The following FOXP4 variants were observed in gnomAD, a reference collection of about 807,000 sequenced individuals.
FOXP4 encodes forkhead box protein P4.
FOXP4 carries 25 observed loss-of-function variants against 82.6 expected under a neutral mutation model. The observed-to-expected ratio is 0.30, with a 90% CI of 0.22 to 0.42. FOXP4 has a LOEUF of 0.42. Ranked by LOEUF, FOXP4 falls within the 10% of genes least tolerant of loss-of-function variation. FOXP4 has a pLI of 1.00. For synonymous variants in FOXP4, 415 were observed against 388.2 expected (o/e 1.07, Z -0.81); for missense variants, 785 against 900.9 (o/e 0.87, Z 1.65).
At chr6:41,583,287 G>T (rs1726960857) in intron 3 of FOXP4, among the ~76,000 whole-genome samples, 1 of 152,198 alleles carries the variant, frequency 6.6e-6, no homozygotes, top group South Asian at 2.1e-4. Context: ...CTCCCTGGTT[G>T]CTTCTCTGCC....
chr6:41,549,446 G>A (rs75306249), intron 1 of FOXP4, among the ~76,000 whole-genome samples: 2,858 of 152,120 alleles, frequency 0.019, 43 homozygotes, highest in Non-Finnish European at 0.028. Flanking sequence ...CTTTAGAGCC[G>A]AAAACTTCCG....
At chr6:41,597,102 T>A (rs754065254) in intron 14 of FOXP4, 74 bp from the exon 15 acceptor site, 9 of 1,492,990 alleles carry the variant, frequency 6.0e-6, no homozygotes, top group Non-Finnish European at 8.4e-6. Context: ...GGCCGTTACT[T>A]AGTGAGAGTA....
At chr6:41,569,090 T>C (rs766299651) in intron 2 of FOXP4, among the ~76,000 whole-genome samples, 1 of 152,106 alleles carries the variant, frequency 6.6e-6, no homozygotes, top group Non-Finnish European at 1.5e-5. Context: ...TGGTCATTGG[T>C]GAGTGACAGA....
At chr6:41,587,929 G>A in intron 8 of FOXP4, 32 bp downstream of exon 8, 1 of 1,251,558 alleles carries the variant, frequency 8.0e-7, no homozygotes, top group Non-Finnish European at 1.1e-6. Context: ...TCCCCCAGCA[G>A]CCTTTCCCCA....
At chr6:41,584,072 C>T (rs968116030) in intron 3 of FOXP4, among the ~76,000 whole-genome samples, 2 of 152,230 alleles carry the variant, frequency 1.3e-5, no homozygotes, top group Non-Finnish European at 2.9e-5. Flanking sequence ...CCTGCTAACT[C>T]CCTGCCTGCC....
intron 2 of FOXP4, among the ~76,000 whole-genome samples, chr6:41,566,890 C>T (rs1025854489): frequency 1.3e-5 from 2 of 152,196 alleles, no homozygotes; most frequent in African/African-American, 2.4e-5. Context: ...CTGCCTCATG[C>T]GTGCACACGT....
chr6:41,565,738 C>T lies in FOXP4; in HGVS notation c.-16-7C>T, dbSNP rs1053944225. 1 of 1,571,956 alleles carries T rather than the reference C, an allele frequency of 6.4e-7. No homozygotes were observed. Among genetic ancestry groups the T allele is most frequent in the Admixed American group, 1.7e-5 (1 of 58,122 alleles). On this transcript the variant is annotated splice_polypyrimidine_tract_variant and splice_region_variant and intron_variant, in intron 1 of 16. Transcript: ENST00000307972. ...GCCTCTCCCCTGTGTCTCTCTTCCT[C>T]CTCCAGGTACCGCTAGAGCGACATG...
At chr6:41,579,242 C>T (rs192766183) in intron 3 of FOXP4, among the ~76,000 whole-genome samples, 16 of 152,152 alleles carry the variant, frequency 1.1e-4, no homozygotes, top group African/African-American at 3.1e-4. Flanking sequence ...AAGATCAGGG[C>T]GTGGCCTGGG....
At chr6:41,566,692 T>G (rs573274844) in intron 2 of FOXP4, among the ~76,000 whole-genome samples, 19 of 152,298 alleles carry the variant, frequency 1.2e-4, no homozygotes, top group Middle Eastern at 3.4e-3. Context: ...GGGAGAGTCA[T>G]GCTCAACAAG....
intron 2 of FOXP4, among the ~76,000 whole-genome samples, chr6:41,575,222 C>T (rs1765410609): frequency 6.6e-6 from 1 of 152,186 alleles, no homozygotes; most frequent in South Asian, 2.1e-4. Flanking sequence ...CCTGCCTTGG[C>T]TTCCCAAAGT....
chr6:41,590,246 C>T, intron 11 of FOXP4, 25 bp from the exon 12 acceptor site: 2 of 1,613,606 alleles, frequency 1.2e-6, no homozygotes, highest in South Asian at 1.1e-5. Flanking sequence ...TATCTGGCTA[C>T]CTCATCCTCT....
intron 2 of FOXP4, among the ~76,000 whole-genome samples, chr6:41,572,877 G>T (rs1053146193): frequency 6.6e-6 from 1 of 152,050 alleles, no homozygotes; most frequent in African/African-American, 2.4e-5. Context: ...TGTCCCGTTG[G>T]GCAAATCATT....
intron 1 of FOXP4, among the ~76,000 whole-genome samples, chr6:41,557,280 G>A (rs1043412648): frequency 6.6e-6 from 1 of 152,194 alleles, no homozygotes; most frequent in African/African-American, 2.4e-5. Flanking sequence ...TATGAGATGT[G>A]ACTGCTTGCT....
intron 1 of FOXP4, chr6:41,547,367 T>C (rs951609661): frequency 1.3e-5 from 2 of 152,032 alleles, no homozygotes; most frequent in African/African-American, 4.8e-5. Context: ...GGAAGGGAAG[T>C]GGCTCCCCCC....
chr6:41,551,300 G>A (rs11758149), intron 1 of FOXP4, among the ~76,000 whole-genome samples: 5,218 of 152,312 alleles, frequency 0.034, 133 homozygotes, highest in South Asian at 0.073. Flanking sequence ...GTGTCGCCCG[G>A]GCTGGACATG....
At chr6:41,598,040 A>G in intron 16 of FOXP4, 90 bp downstream of exon 16, 1 of 1,000,726 alleles carries the variant, frequency 1.0e-6, no homozygotes, top group Non-Finnish European at 1.3e-6. Flanking sequence ...GGGGTTCCCC[A>G]TCCCACCCCC....
intron 3 of FOXP4, among the ~76,000 whole-genome samples, chr6:41,578,489 C>T (rs1270067845): frequency 1.3e-5 from 2 of 152,156 alleles, no homozygotes; most frequent in Non-Finnish European, 2.9e-5. Context: ...CCTCCCAGGC[C>T]ATCTCTGTTG....
At chr6:41,547,391 A>C (rs963066008) in intron 1 of FOXP4, 1 of 152,226 alleles carries the variant, frequency 6.6e-6, no homozygotes, top group African/African-American at 2.4e-5. Flanking sequence ...TCTAGTCGGT[A>C]CCGGACTCCC....
chr6:41,578,040 C>G lies in FOXP4; in HGVS notation c.259C>G (p.Pro87Ala). The change falls in exon 3 of 17, where the codon CCA becomes GCA. Residue 87 changes from proline to alanine, a missense_variant. By Grantham distance (27) the Pro-to-Ala change is conservative (BLOSUM62 -1). This residue lies in a region of FOXP4 where 570 missense variants were observed against 634.0 expected (regional missense o/e 0.90). Transcript: ENST00000307972. ...LLQQASGLSS[P>A]GNNDSKQSAS... ...GCAGCAGGCCTCAGGCCTGAGCTCC[C>G]CAGGGAACAATGACAGCAAACAGTC... 3 of 1,613,594 alleles carry G rather than the reference C, an allele frequency of 1.9e-6. No homozygotes were observed. Among genetic ancestry groups the G allele is most frequent in the Non-Finnish European group, 2.5e-6 (3 of 1,180,012 alleles).
Sources: allele counts gnomAD v4.1 joint callset (sites outside exome capture counted in the v4.1 genomes callset), GRCh38; gene constraint gnomAD v4.1.1; regional missense constraint gnomAD v4.1.1; transcripts MANE v1.5; gene names NCBI Gene and HGNC (gene_info 2026-07-23, HGNC 2026-07-21).